ATOSA: variants seen among roughly 807,000 people sequenced by gnomAD.
ATOSA encodes atos homolog protein A.
At chr15:52,647,321 C>T in the ATOSA span, among the ~76,000 whole-genome samples, 1 of 151,886 alleles carries the variant, frequency 6.6e-6, no homozygotes, top group Non-Finnish European at 1.5e-5. Flanking sequence ...ACCTCTCTCC[C>T]AAAATAACAT....
At chr15:52,615,831 T>TACA in the ATOSA span, among the ~76,000 whole-genome samples, 1 of 152,366 alleles carries the variant, frequency 6.6e-6, no homozygotes, top group East Asian at 1.9e-4. Context: ...AAGTACCTTC[T>TACA]ACACGTCAAC....
At chr15:52,635,638 G>A in the ATOSA span, among the ~76,000 whole-genome samples, 2 of 152,172 alleles carry the variant, frequency 1.3e-5, no homozygotes, top group African/African-American at 4.8e-5. Flanking sequence ...TGAGGCTGCA[G>A]TGAGCTAGGA....
the ATOSA span, chr15:52,600,015 A>G: frequency 2.0e-6 from 1 of 503,220 alleles, no homozygotes; most frequent in East Asian, 3.2e-5. Flanking sequence ...AGGCTTGAAA[A>G]AAGACAATTA....
At chr15:52,607,686 T>A in the ATOSA span, among the ~76,000 whole-genome samples, 1 of 152,038 alleles carries the variant, frequency 6.6e-6, no homozygotes, top group Non-Finnish European at 1.5e-5. Flanking sequence ...GTAACTGAGG[T>A]TTGCCATTAC....
At chr15:52,642,574 G>C in the ATOSA span, among the ~76,000 whole-genome samples, 3 of 152,198 alleles carry the variant, frequency 2.0e-5, no homozygotes, top group Non-Finnish European at 4.4e-5. Flanking sequence ...AAATAATCAT[G>C]AGGGTGTTGG....
chr15:52,608,773 C>A, the ATOSA span: 2 of 1,607,166 alleles, frequency 1.2e-6, no homozygotes, highest in Non-Finnish European at 1.7e-6. Flanking sequence ...ATTTTGCTCA[C>A]ATGTCTTAGG....
At chr15:52,659,261 G>C in the ATOSA span, among the ~76,000 whole-genome samples, 1 of 152,178 alleles carries the variant, frequency 6.6e-6, no homozygotes, top group South Asian at 2.1e-4. Context: ...TATGTGCCAG[G>C]CACATTGAAA....
the ATOSA span, chr15:52,593,543 T>C: frequency 6.6e-7 from 1 of 1,512,856 alleles, no homozygotes; most frequent in Non-Finnish European, 8.9e-7. Context: ...GTTGGTTGAT[T>C]TGGCAGGAAA....
the ATOSA span, among the ~76,000 whole-genome samples, chr15:52,705,754 GC>G: frequency 6.6e-6 from 1 of 152,014 alleles, no homozygotes; most frequent in African/African-American, 2.4e-5. Context: ...AACACCCCCA[GC>G]CCCACCATCT....
At chr15:52,623,757 G>A in the ATOSA span, among the ~76,000 whole-genome samples, 1 of 152,148 alleles carries the variant, frequency 6.6e-6, no homozygotes, top group Admixed American at 6.5e-5. Context: ...AGACAAATGT[G>A]ACATATACTG....
the ATOSA span, chr15:52,610,091 T>C: frequency 3.7e-6 from 6 of 1,614,034 alleles, no homozygotes; most frequent in Admixed American, 8.3e-5. Context: ...TCAGGTGCCA[T>C]GGTCCAAGTT....
At chr15:52,668,526 A>C in the ATOSA span, among the ~76,000 whole-genome samples, 2 of 152,226 alleles carry the variant, frequency 1.3e-5, no homozygotes, top group African/African-American at 4.8e-5. Flanking sequence ...AAAGTATTAT[A>C]TATTATAAAA....
At chr15:52,623,948 GCTT>G in the ATOSA span, among the ~76,000 whole-genome samples, 1 of 152,158 alleles carries the variant, frequency 6.6e-6, no homozygotes, top group Non-Finnish European at 1.5e-5. Context: ...AGTTTTAACT[GCTT>G]CTCTTCTAAG....
the ATOSA span, chr15:52,652,186 G>C: frequency 5.2e-6 from 4 of 763,004 alleles, no homozygotes; most frequent in African/African-American, 7.2e-5. Context: ...TGTTTTCTTT[G>C]CTCGTCTTAC....
chr15:52,583,935 C>T, the ATOSA span, among the ~76,000 whole-genome samples: 1 of 151,776 alleles, frequency 6.6e-6, no homozygotes, highest in African/African-American at 2.4e-5. Context: ...GTACAGCTCA[C>T]TGCTTATTCA....
chr15:52,591,065 TG>T, the ATOSA span, among the ~76,000 whole-genome samples: 2 of 152,240 alleles, frequency 1.3e-5, no homozygotes, highest in African/African-American at 4.8e-5. Flanking sequence ...GAAAGATTAA[TG>T]CTGTCTTGCT....
At chr15:52,709,286 A>G in the ATOSA span, among the ~76,000 whole-genome samples, 14 of 152,144 alleles carry the variant, frequency 9.2e-5, no homozygotes, top group Non-Finnish European at 1.9e-4. Flanking sequence ...ATTAACCTGC[A>G]TGTCACCTAT....
At chr15:52,601,194 TAAA>T in the ATOSA span, 1 of 1,289,156 alleles carries the variant, frequency 7.8e-7, no homozygotes, top group East Asian at 2.9e-5. Flanking sequence ...TTTGTGATAT[TAAA>T]AAAAAAACTG....
At chr15:52,675,069 T>C in the ATOSA span, among the ~76,000 whole-genome samples, 1,543 of 152,280 alleles carry the variant, frequency 0.01, 134 homozygotes, top group East Asian at 0.21. Context: ...ATGGAACAAG[T>C]ATAAAAACAC....
Sources: allele counts gnomAD v4.1 joint callset (sites outside exome capture counted in the v4.1 genomes callset), GRCh38; gene constraint gnomAD v4.1.1; transcripts MANE v1.5; gene names NCBI Gene and HGNC (gene_info 2026-07-23, HGNC 2026-07-21).